Variants in SDHAF2 observed in about 807,000 individuals in gnomAD.
SDHAF2 encodes the protein succinate dehydrogenase assembly factor 2, mitochondrial.
Under a neutral mutation model 18.5 loss-of-function variants are expected in SDHAF2, and 21 were observed. The ratio of observed to expected loss-of-function variants is 1.13; its 90% CI spans 0.80 to 1.63. The LOEUF is 1.63. Among genes scored for constraint, SDHAF2 ranks in the 40% most tolerant of loss-of-function variants. SDHAF2 has a pLI of 0.00. For missense variants in SDHAF2, 195 were observed against 200.3 expected, an observed-to-expected ratio of 0.97 and a Z score of 0.16; for synonymous variants, 84 against 70.7, an observed-to-expected ratio of 1.19 and a Z score of -0.94.
chr11:61,446,073 C>T lies in SDHAF2; in HGVS notation c.*2C>T. 1 of 1,614,190 alleles carries T rather than the reference C, an allele frequency of 6.2e-7. No homozygotes were observed. Among genetic ancestry groups the T allele is most frequent in the Non-Finnish European group, 8.5e-7 (1 of 1,180,030 alleles). On this transcript the variant is annotated 3_prime_UTR_variant, in exon 4 of 4. Transcript: ENST00000301761. ...TACCTCTTTGAAAAGCCACGTTGAG[C>T]TGTGCTCCACGGCCTGGCATGGGGG...
chr11:61,437,951 T>G, intron 2 of SDHAF2, 53 bp from the exon 3 acceptor site: 1 of 1,585,870 alleles, frequency 6.3e-7, no homozygotes, highest in Non-Finnish European at 8.6e-7. Context: ...ACTTCTCTTT[T>G]ATTAGACACA....
rs762441285 is a variant in SDHAF2, at chr11:61,438,037, A to G, written c.294A>G (p.Thr98=). ...LFAKEHLQHM[T]EKQLNLYDRL... The stretch of plus-strand genomic sequence containing the variant: ...CTAAAGAACATCTGCAGCACATGAC[A>G]GAAAAGCAGCTGAACCTCTATGACC... Residue 98 remains threonine (T), a synonymous_variant, in exon 3 of 4, where the codon ACA becomes ACG. Coordinates refer to ENST00000301761, the MANE Select transcript of SDHAF2 (RefSeq NM_017841.4). 26 of 1,614,022 alleles carry G rather than the reference A, an allele frequency of 1.6e-5. No homozygotes were observed. In the East Asian group the frequency reaches 5.6e-4, roughly 35 times the overall value.
In SDHAF2 at chr11:61,433,894, CTG is replaced by C. The variant is rs1453884276; in HGVS notation, c.36+3715_36+3716del. On this transcript the variant is annotated intron_variant, in intron 1 of 3. Coordinates refer to ENST00000301761, the MANE Select transcript of SDHAF2 (RefSeq NM_017841.4). ...CTTTTCACTGTGTCCTCACATTTCT[CTG>C]TGCATGCACATCCTTGGTGTCTCTT... is the stretch of plus-strand genomic sequence containing the variant. The C allele has an allele frequency of 3.9e-5, 6 of 152,418 alleles. No homozygotes were observed. The South Asian group carries it at 1.0e-3, about 26-fold the overall frequency. The allele number at this position is 152,418 out of a possible 1,614,324, so 9.4% of individuals were successfully genotyped here.
intron 3 of SDHAF2, among the ~76,000 whole-genome samples, chr11:61,441,618 G>T (rs1014676746): frequency 6.6e-6 from 1 of 152,042 alleles, no homozygotes; most frequent in Non-Finnish European, 1.5e-5. Context: ...TCTGAAAAAG[G>T]CAAAACTTAC....
intron 3 of SDHAF2, among the ~76,000 whole-genome samples, chr11:61,442,818 A>C (rs144162399): frequency 6.6e-6 from 1 of 152,142 alleles, no homozygotes; most frequent in Middle Eastern, 3.2e-3. Context: ...CAGTGGCGCA[A>C]TCTTGGCTCA....
At chr11:61,439,676 C>T (rs903510662) in intron 3 of SDHAF2, among the ~76,000 whole-genome samples, 2 of 152,218 alleles carry the variant, frequency 1.3e-5, no homozygotes, top group Non-Finnish European at 2.9e-5. Context: ...GGAAAGCCAA[C>T]AAAGTCCAAA....
intron 1 of SDHAF2, 82 bp from the exon 2 acceptor site, chr11:61,437,543 T>G: frequency 1.7e-6 from 2 of 1,205,516 alleles, no homozygotes; most frequent in Non-Finnish European, 2.5e-6. Flanking sequence ...TTGAATGCAT[T>G]CAGCACCTAG....
At chr11:61,432,707 T>C (rs1445924305) in intron 1 of SDHAF2, 1 of 142,018 alleles carries the variant, frequency 7.0e-6, no homozygotes, top group Non-Finnish European at 1.6e-5. Flanking sequence ...TTTTTTTTTG[T>C]AGTGACATAC....
In SDHAF2 at chr11:61,446,027, C is replaced by T. The variant is rs1590769337; in HGVS notation, c.457C>T (p.Leu153=). The T allele has an allele frequency of 1.2e-6, 2 of 1,614,200 alleles. No individual in the cohort carries two copies. Among genetic ancestry groups the T allele is most frequent in the Non-Finnish European group, 1.7e-6 (2 of 1,180,040 alleles). The change falls in exon 4 of 4, where the codon CTG becomes TTG. Residue 153 remains leucine (L), a synonymous_variant. Transcript: ENST00000301761. ...TAAAAACAAAAACAAAGAGCAGAGA[C>T]TGCGTGCCCCAGATCTTGAGTACCT... ...FAKNKNKEQR[L]RAPDLEYLFE... is the part of the protein sequence containing the mutation.
In SDHAF2 at chr11:61,446,540, CCTT is replaced by C. The variant is rs1341620968; in HGVS notation, c.*472_*474del. On this transcript the variant is annotated 3_prime_UTR_variant, in exon 4 of 4. Transcript: ENST00000301761. ...TCCCCACTTCCAACCTGGTATGGCT[CCTT>C]CTGCGAAGGGAAGCTGATCCCAGCC... 6 of 469,772 alleles carry C rather than the reference CCTT, an allele frequency of 1.3e-5. No homozygotes were observed. The highest frequency in any genetic ancestry group is 2.2e-5 in the Non-Finnish European group (6 of 267,958). The allele number at this position is 469,772 out of a possible 1,614,324, so 29.1% of individuals were successfully genotyped here.
intron 3 of SDHAF2, among the ~76,000 whole-genome samples, chr11:61,442,407 T>C (rs892752037): frequency 5.9e-5 from 9 of 152,226 alleles, no homozygotes; most frequent in South Asian, 2.1e-4. Context: ...TGTGCTGTTT[T>C]CTCATTTCCA....
At chr11:61,436,722 G>C (rs1392501841) in intron 1 of SDHAF2, 2 of 459,954 alleles carry the variant, frequency 4.3e-6, no homozygotes, top group East Asian at 1.4e-4. Flanking sequence ...GCTCACCTGG[G>C]GAGCAGGAGC....
intron 1 of SDHAF2, chr11:61,430,695 T>C (rs1565125803): frequency 5.9e-6 from 1 of 168,388 alleles, no homozygotes; most frequent in East Asian, 1.7e-4. Context: ...TCAAGATCTT[T>C]TTCTAGCATC....
At chr11:61,430,234 C>T (rs1030419797) in intron 1 of SDHAF2, 52 bp downstream of exon 1, 10 of 1,608,072 alleles carry the variant, frequency 6.2e-6, no homozygotes, top group East Asian at 2.2e-5. Flanking sequence ...CGGGGATTAC[C>T]CTTTGTCTTC....
chr11:61,435,222 G>A (rs922879454), intron 1 of SDHAF2: 1 of 151,952 alleles, frequency 6.6e-6, no homozygotes, highest in African/African-American at 2.4e-5. Flanking sequence ...GTATTCTTCA[G>A]CTCCAAAATT....
intron 3 of SDHAF2, among the ~76,000 whole-genome samples, chr11:61,443,161 A>G (rs1417903606): frequency 6.6e-6 from 1 of 152,216 alleles, no homozygotes; most frequent in Non-Finnish European, 1.5e-5. Flanking sequence ...CCTGTCTTCC[A>G]CTAATTCTTT....
At chr11:61,430,957 T>C (rs1029581904) in intron 1 of SDHAF2, 8 of 152,148 alleles carry the variant, frequency 5.3e-5, no homozygotes, top group African/African-American at 1.9e-4. Context: ...TTGTCGCATC[T>C]CATAATTTTG....
At chr11:61,445,492 T>G (rs981127070) in intron 3 of SDHAF2, among the ~76,000 whole-genome samples, 1 of 152,228 alleles carries the variant, frequency 6.6e-6, no homozygotes, top group Non-Finnish European at 1.5e-5. Context: ...AGGAGAGAGC[T>G]TTTGTTTCAA....
At chr11:61,445,300 G>A (rs1019334432) in intron 3 of SDHAF2, among the ~76,000 whole-genome samples, 1 of 152,188 alleles carries the variant, frequency 6.6e-6, no homozygotes, top group African/African-American at 2.4e-5. Context: ...CGTAGACTGA[G>A]GCTGGCCTTC....
Sources: allele counts gnomAD v4.1 joint callset (sites outside exome capture counted in the v4.1 genomes callset), GRCh38; gene constraint gnomAD v4.1.1; transcripts MANE v1.5; gene names NCBI Gene and HGNC (gene_info 2026-07-23, HGNC 2026-07-21).